The following ENTREP2 variants were observed in gnomAD, a reference collection of about 807,000 sequenced individuals.
ENTREP2 encodes protein ENTREP2.
chr15:29,131,323 T>A, the ENTREP2 span, among the ~76,000 whole-genome samples: 1 of 151,924 alleles, frequency 6.6e-6, no homozygotes, highest in South Asian at 2.1e-4. Flanking sequence ...TGGACTCTGC[T>A]GGTCCCTCTC....
the ENTREP2 span, among the ~76,000 whole-genome samples, chr15:29,457,710 T>C: frequency 2.0e-3 from 306 of 152,338 alleles, 1 homozygote; most frequent in African/African-American, 7.0e-3. Flanking sequence ...AGCTGCTAAG[T>C]GTCCCCCAAA....
the ENTREP2 span, among the ~76,000 whole-genome samples, chr15:29,137,386 C>T: frequency 2.0e-5 from 3 of 152,290 alleles, no homozygotes; most frequent in Admixed American, 1.3e-4. Flanking sequence ...AGTCTCAAAA[C>T]GCTTTGTTGC....
At chr15:29,364,170 T>C in the ENTREP2 span, among the ~76,000 whole-genome samples, 2 of 152,192 alleles carry the variant, frequency 1.3e-5, no homozygotes, top group African/African-American at 4.8e-5. Flanking sequence ...CGTCTTACGT[T>C]GTACTGCAGT....
At chr15:29,513,787 C>T in the ENTREP2 span, among the ~76,000 whole-genome samples, 1 of 152,334 alleles carries the variant, frequency 6.6e-6, no homozygotes, top group Non-Finnish European at 1.5e-5. Flanking sequence ...GGAGCACCTC[C>T]GAGTCCATGT....
the ENTREP2 span, among the ~76,000 whole-genome samples, chr15:29,561,947 G>A: frequency 6.6e-6 from 1 of 152,186 alleles, no homozygotes; most frequent in African/African-American, 2.4e-5. Context: ...AATGTTAGGT[G>A]ATCAAGGTGA....
chr15:29,672,767 TG>T, the ENTREP2 span, among the ~76,000 whole-genome samples: 7 of 151,928 alleles, frequency 4.6e-5, no homozygotes, highest in East Asian at 1.9e-4. Flanking sequence ...TTTGGTGGGT[TG>T]GGGGGGTTGG....
chr15:29,640,133 A>G, the ENTREP2 span, among the ~76,000 whole-genome samples: 1 of 152,154 alleles, frequency 6.6e-6, no homozygotes, highest in Non-Finnish European at 1.5e-5. Flanking sequence ...ACTGACAGAA[A>G]AGAGAGAGAA....
At chr15:29,500,141 C>T in the ENTREP2 span, among the ~76,000 whole-genome samples, 1 of 151,908 alleles carries the variant, frequency 6.6e-6, no homozygotes, top group African/African-American at 2.4e-5. Context: ...ATAGGGAATT[C>T]AACAATAATA....
chr15:29,139,085 G>A, the ENTREP2 span, among the ~76,000 whole-genome samples: 1 of 152,250 alleles, frequency 6.6e-6, no homozygotes, highest in African/African-American at 2.4e-5. Flanking sequence ...GGGTAGGGTG[G>A]GCTGGAGCTG....
chr15:29,561,790 T>A, the ENTREP2 span, among the ~76,000 whole-genome samples: 13 of 152,050 alleles, frequency 8.5e-5, no homozygotes, highest in African/African-American at 3.1e-4. Context: ...GAGGCTGGTT[T>A]GGGTGGCAAT....
the ENTREP2 span, among the ~76,000 whole-genome samples, chr15:29,489,640 A>G: frequency 1.3e-5 from 2 of 152,244 alleles, no homozygotes; most frequent in African/African-American, 4.8e-5. Context: ...TATTTTACGC[A>G]CAAAATGTCA....
chr15:29,503,746 C>A, the ENTREP2 span, among the ~76,000 whole-genome samples: 1 of 152,030 alleles, frequency 6.6e-6, no homozygotes, highest in Non-Finnish European at 1.5e-5. Context: ...GAATATGCAG[C>A]AAAAAACTAT....
the ENTREP2 span, among the ~76,000 whole-genome samples, chr15:29,377,149 A>G: frequency 6.6e-6 from 1 of 152,194 alleles, no homozygotes; most frequent in Non-Finnish European, 1.5e-5. Context: ...AGCACAGACA[A>G]TAAAAGCAGG....
At chr15:29,392,049 C>T in the ENTREP2 span, among the ~76,000 whole-genome samples, 1 of 152,016 alleles carries the variant, frequency 6.6e-6, no homozygotes, top group Non-Finnish European at 1.5e-5. Flanking sequence ...AGGATGGTCT[C>T]GATCTCCTGA....
the ENTREP2 span, among the ~76,000 whole-genome samples, chr15:29,582,493 A>G: frequency 0.87 from 131,780 of 152,106 alleles, 57,251 homozygotes; most frequent in East Asian, 1. Flanking sequence ...TAAAAAGATA[A>G]AAAAGATTTT....
chr15:29,337,842 A>G, the ENTREP2 span, among the ~76,000 whole-genome samples: 1 of 152,092 alleles, frequency 6.6e-6, no homozygotes, highest in African/African-American at 2.4e-5. Context: ...TATGATCCTA[A>G]AGTGATCAGA....
chr15:29,461,953 C>T, the ENTREP2 span, among the ~76,000 whole-genome samples: 2 of 152,174 alleles, frequency 1.3e-5, no homozygotes, highest in Admixed American at 6.6e-5. Flanking sequence ...TTTTCTGTCT[C>T]TGTGGGTTTG....
chr15:29,577,313 GGTGTGTGTGT>G, the ENTREP2 span, among the ~76,000 whole-genome samples: 7 of 139,908 alleles, frequency 5.0e-5, no homozygotes, highest in Middle Eastern at 3.6e-3. Flanking sequence ...GACTCAAAGA[GGTGTGTGTGT>G]GTGTGTGTGT....
the ENTREP2 span, among the ~76,000 whole-genome samples, chr15:29,566,226 C>G: frequency 6.6e-6 from 1 of 151,410 alleles, no homozygotes; most frequent in Non-Finnish European, 1.5e-5. Context: ...GTGGCGCGAT[C>G]TCACTCACTG....
Sources: gnomAD v4.1 joint callset for allele counts (sites outside exome capture counted in the v4.1 genomes callset) on GRCh38, gnomAD v4.1.1 for gene constraint, MANE v1.5 for transcripts, NCBI Gene and HGNC (gene_info 2026-07-23, HGNC 2026-07-21) for gene names.